GMDS: variants seen among roughly 807,000 people sequenced by gnomAD.
GMDS encodes the protein GDP-mannose 4,6 dehydratase.
Under a neutral mutation model 49.9 loss-of-function variants are expected in GMDS, and 20 were observed. The ratio of observed to expected loss-of-function variants is 0.40; its 90% confidence interval spans 0.28 to 0.58. GMDS has a LOEUF of 0.58. Ranked by LOEUF, GMDS falls within the 20% of genes least tolerant of loss-of-function variation. The pLI, the probability that GMDS is intolerant of heterozygous loss-of-function variation, is 0.42. For synonymous variants in GMDS, 177 were observed against 178.6 expected (o/e 0.99, Z 0.07); for missense variants, 362 against 481.4 (o/e 0.75, Z 2.32).
intron 7 of GMDS, among the ~76,000 whole-genome samples, chr6:1,913,443 T>C (rs1761187522): frequency 1.3e-5 from 2 of 150,940 alleles, no homozygotes; most frequent in South Asian, 4.2e-4. Context: ...GTCTGGATTA[T>C]ATTCTCAGTT....
At chr6:2,234,534 A>G (rs6925078) in intron 1 of GMDS, among the ~76,000 whole-genome samples, 1,878 of 152,148 alleles carry the variant, frequency 0.012, 16 homozygotes, top group African/African-American at 0.023. Flanking sequence ...ACTTGAACCC[A>G]GGAGGCGGAG....
chr6:1,711,069 A>C (rs1328517240), intron 9 of GMDS, among the ~76,000 whole-genome samples: 1 of 152,240 alleles, frequency 6.6e-6, no homozygotes, highest in East Asian at 1.9e-4. Flanking sequence ...GGACAGGCAC[A>C]ATTCCCTACA....
intron 9 of GMDS, among the ~76,000 whole-genome samples, chr6:1,646,516 G>C (rs1301806522): frequency 2.0e-5 from 3 of 152,156 alleles, no homozygotes; most frequent in Non-Finnish European, 4.4e-5. Context: ...AAGCAGCCGG[G>C]ACTACAGGTT....
intron 8 of GMDS, among the ~76,000 whole-genome samples, chr6:1,727,080 G>A (rs1766617611): frequency 1.3e-5 from 2 of 152,088 alleles, no homozygotes; most frequent in African/African-American, 2.4e-5. Context: ...GTAAGTCTCA[G>A]ATGATTAAAC....
rs566518493 is a variant in GMDS at position 1,871,209 on chromosome 6, G to C, written c.771+58894C>G. Among the ~76,000 whole-genome samples the C allele has an allele frequency of 8.5e-5, 13 of 152,266 alleles. No homozygotes were observed. The East Asian group carries it at 2.3e-3, about 27-fold the overall frequency. ...CTGGGGGACCCTCCAGCTGGGACCT[G>C]TTTGTGACTTCTCGGCCTCACTGTT... On this transcript the variant is annotated intron_variant, in intron 7 of 10. Coordinates refer to ENST00000380815, the MANE Select transcript of GMDS (RefSeq NM_001500.4).
intron 4 of GMDS, among the ~76,000 whole-genome samples, chr6:2,040,344 C>T (rs1769597618): frequency 6.6e-6 from 1 of 152,130 alleles, no homozygotes; most frequent in South Asian, 2.1e-4. Flanking sequence ...TGGCTTAAAC[C>T]CTGTGTAATA....
intron 9 of GMDS, among the ~76,000 whole-genome samples, chr6:1,669,907 G>C (rs1764358777): frequency 1.0e-5 from 1 of 95,278 alleles, no homozygotes; most frequent in African/African-American, 4.3e-5. Context: ...AGCGAGACGA[G>C]ACTCCATCTC....
At chr6:2,170,118 G>A (rs201081312) in intron 1 of GMDS, among the ~76,000 whole-genome samples, 10 of 151,888 alleles carry the variant, frequency 6.6e-5, no homozygotes, top group East Asian at 1.9e-4. Context: ...CAGGAGAATC[G>A]CTTGAACCCG....
intron 4 of GMDS, among the ~76,000 whole-genome samples, chr6:1,986,244 T>C (rs1337703592): frequency 3.3e-5 from 5 of 152,204 alleles, no homozygotes; most frequent in African/African-American, 1.2e-4. Flanking sequence ...TGTTACCTGC[T>C]TTCCCTACCT....
At chr6:1,820,484 C>T (rs1770845725) in intron 7 of GMDS, among the ~76,000 whole-genome samples, 1 of 151,954 alleles carries the variant, frequency 6.6e-6, no homozygotes, top group African/African-American at 2.4e-5. Flanking sequence ...ATTTATGGAC[C>T]CTATAAAATT....
chr6:1,865,885 A>G (rs1261054421), intron 7 of GMDS, among the ~76,000 whole-genome samples: 2 of 152,092 alleles, frequency 1.3e-5, no homozygotes, highest in East Asian at 1.9e-4. Flanking sequence ...TACAATCCAC[A>G]GGAAGAAAAA....
chr6:1,783,389 A>G (rs1177118114), intron 7 of GMDS, among the ~76,000 whole-genome samples: 1 of 152,208 alleles, frequency 6.6e-6, no homozygotes, highest in African/African-American at 2.4e-5. Context: ...TTACTTGGGC[A>G]TGTCCCGCAA....
At chr6:1,767,166 T>G (rs3800048) in intron 7 of GMDS, among the ~76,000 whole-genome samples, 1 of 152,208 alleles carries the variant, frequency 6.6e-6, no homozygotes, top group African/African-American at 2.4e-5. Flanking sequence ...AAAGGGAATA[T>G]GATTTTAAAA....
chr6:2,032,166 G>A lies in GMDS; in HGVS notation c.346-71200C>T, dbSNP rs557933929. On this transcript the variant is annotated intron_variant, in intron 4 of 10. Transcript: ENST00000380815. ...CATCAACAGTTGCTAGTTCATCATC[G>A]GGAAGACATATACTGTGAACTGTTT... 2.6e-5 allele frequency among the ~76,000 whole-genome samples: 4 copies of A among 152,216 alleles called. No individual in the cohort carries two copies. In the East Asian group the frequency reaches 5.8e-4, roughly 22 times the overall value.
At chr6:1,992,934 C>T (rs533366469) in intron 4 of GMDS, among the ~76,000 whole-genome samples, 7 of 152,316 alleles carry the variant, frequency 4.6e-5, no homozygotes, top group Admixed American at 4.6e-4. Flanking sequence ...ATCCCCTGCA[C>T]TTCCCACAAA....
intron 4 of GMDS, among the ~76,000 whole-genome samples, chr6:2,066,358 A>G (rs1176038195): frequency 1.0e-3 from 139 of 137,140 alleles, no homozygotes; most frequent in Non-Finnish European, 1.7e-3. Flanking sequence ...AACTGCATCA[A>G]CTAATGAGCA....
chr6:1,693,305 G>T (rs923806333), intron 9 of GMDS, among the ~76,000 whole-genome samples: 3 of 152,164 alleles, frequency 2.0e-5, no homozygotes, highest in African/African-American at 7.2e-5. Flanking sequence ...CTGCTCCAGG[G>T]GCACCTCTGC....
At chr6:2,028,747 G>A (rs1225214759) in intron 4 of GMDS, among the ~76,000 whole-genome samples, 1 of 152,178 alleles carries the variant, frequency 6.6e-6, no homozygotes, top group Non-Finnish European at 1.5e-5. Flanking sequence ...AATACCTGCA[G>A]AGAATGTCTA....
At chr6:2,109,815 A>G (rs1222024795) in intron 4 of GMDS, among the ~76,000 whole-genome samples, 6 of 152,238 alleles carry the variant, frequency 3.9e-5, no homozygotes, top group Admixed American at 3.3e-4. Context: ...GTATTCACAC[A>G]TGTTAACTTA....
Sources: allele counts gnomAD v4.1 joint callset (sites outside exome capture counted in the v4.1 genomes callset), GRCh38; gene constraint gnomAD v4.1.1; transcripts MANE v1.5; gene names NCBI Gene and HGNC (gene_info 2026-07-23, HGNC 2026-07-21).